Variants in CTNNA2 observed in about 807,000 individuals in gnomAD.
CTNNA2 encodes the protein catenin alpha 2.
In CTNNA2, 42 loss-of-function variants were observed where a neutral mutation model predicts 101.0. The ratio of observed to expected loss-of-function variants is 0.42; its 90% CI spans 0.32 to 0.54. The LOEUF (loss-of-function observed/expected upper bound fraction) is 0.54. Among genes scored for constraint, CTNNA2 ranks in the 20% least tolerant of loss-of-function variants. The probability of loss-of-function intolerance (pLI) is 0.14; values close to 1 mark genes in which losing one functional copy is unlikely to be tolerated. For synonymous variants in CTNNA2, 450 were observed against 456.4 expected (o/e 0.99, Z 0.18); for missense variants, 871 against 1,223.1 (o/e 0.71, Z 4.29).
intron 7 of CTNNA2, among the ~76,000 whole-genome samples, chr2:79,954,045 C>T (rs1689057084): frequency 6.6e-6 from 1 of 152,140 alleles, no homozygotes; most frequent in South Asian, 2.1e-4. Flanking sequence ...TTCTGCATGG[C>T]TGAAGAGGCC....
chr2:80,364,088 G>A (rs1464238425), intron 7 of CTNNA2, among the ~76,000 whole-genome samples: 4 of 151,996 alleles, frequency 2.6e-5, no homozygotes, highest in African/African-American at 9.7e-5. Flanking sequence ...GTTTGTGTGG[G>A]GAGGACTGAG....
chr2:80,335,410 C>G lies in CTNNA2; in HGVS notation c.1057-57801C>G, dbSNP rs148628505. Among the ~76,000 whole-genome samples the G allele has an allele frequency of 7.1e-3, 1,083 of 152,280 alleles. 15 individuals carry two copies. The highest frequency in any genetic ancestry group is 0.025 in the African/African-American group (1,029 of 41,556). On this transcript the variant is annotated intron_variant, in intron 7 of 18. Transcript: ENST00000402739. Reference sequence around the variant, plus strand: ...GTGAGGAGGAAGGCCTACCTTCAGACTGGCCCCAAATGCCTTATCCTGTAG... The same window carrying G: ...GTGAGGAGGAAGGCCTACCTTCAGAGTGGCCCCAAATGCCTTATCCTGTAG...
rs551375938 is a variant in CTNNA2, at chr2:79,506,317, T to TTA, written c.-6+1135_-6+1136insTA. 1.4e-3 allele frequency among the ~76,000 whole-genome samples: 192 copies of TTA among 141,670 alleles called. 8 individuals are homozygous for TTA. The East Asian group carries it at 0.031, about 23-fold the overall frequency. The allele number at this position is 141,670 out of a possible 152,430, so 92.9% of individuals were successfully genotyped here. On this transcript the variant is annotated intron_variant, in intron 5 of 21. Coordinates refer to the CTNNA2 transcript ENST00000466387. ...GTATATTGGTGCATGTGTTACAAGT[T>TTA]AAAAAAAAAAAAAGGAATTTCTTCA...
chr2:80,610,264 C>T (rs964488434), intron 17 of CTNNA2, among the ~76,000 whole-genome samples: 1 of 151,506 alleles, frequency 6.6e-6, no homozygotes, highest in East Asian at 2.0e-4. Flanking sequence ...TCTTCATGCT[C>T]CTTCACTGAT....
intron 7 of CTNNA2, among the ~76,000 whole-genome samples, chr2:80,372,330 G>A (rs1675517176): frequency 6.6e-6 from 1 of 150,934 alleles, no homozygotes; most frequent in African/African-American, 2.4e-5. Flanking sequence ...ATTTATTTAG[G>A]GCCACAAATC....
chr2:80,368,633 C>G (rs1023629036), intron 7 of CTNNA2, among the ~76,000 whole-genome samples: 15 of 151,932 alleles, frequency 9.9e-5, no homozygotes, highest in Non-Finnish European at 1.6e-4. Context: ...ATTCTTAAGG[C>G]ACTTACATGA....
intron 6 of CTNNA2, among the ~76,000 whole-genome samples, chr2:79,875,731 G>GT (rs10681981): frequency 7.3e-5 from 11 of 151,624 alleles, no homozygotes; most frequent in Non-Finnish European, 1.0e-4. Flanking sequence ...ATTTCCTAAG[G>GT]TTTTTTTTGT....
At chr2:80,389,692 T>C (rs1677328232) in intron 7 of CTNNA2, among the ~76,000 whole-genome samples, 1 of 152,158 alleles carries the variant, frequency 6.6e-6, no homozygotes, top group Non-Finnish European at 1.5e-5. Context: ...CCTGCACAAA[T>C]ACCTTATTTT....
chr2:79,579,207 C>T (rs1675991289), intron 1 of CTNNA2, among the ~76,000 whole-genome samples: 1 of 145,360 alleles, frequency 6.9e-6, no homozygotes. Flanking sequence ...TTCCTTCCTC[C>T]TTCCCTCCCT....
chr2:80,001,920 T>C (rs961688172), intron 7 of CTNNA2, among the ~76,000 whole-genome samples: 3 of 152,226 alleles, frequency 2.0e-5, no homozygotes, highest in African/African-American at 7.2e-5. Flanking sequence ...ATTTTTTGCA[T>C]ACCAGAGTTC....
intron 9 of CTNNA2, among the ~76,000 whole-genome samples, chr2:80,538,792 T>A (rs1002704499): frequency 6.6e-6 from 1 of 152,198 alleles, no homozygotes; most frequent in Non-Finnish European, 1.5e-5. Context: ...GGGAATAGCA[T>A]TGAATCTATA....
At chr2:79,503,826 C>T (rs527803803) in intron 4 of CTNNA2, among the ~76,000 whole-genome samples, 5 of 152,214 alleles carry the variant, frequency 3.3e-5, no homozygotes, top group African/African-American at 1.2e-4. Flanking sequence ...GATCCACTAC[C>T]CGGCCATTTT....
At chr2:80,218,804 A>T (rs192042140) in intron 7 of CTNNA2, among the ~76,000 whole-genome samples, 72 of 152,324 alleles carry the variant, frequency 4.7e-4, no homozygotes, top group Non-Finnish European at 7.2e-4. Flanking sequence ...ACAAAGTGAA[A>T]ATATATTTAA....
intron 2 of CTNNA2, among the ~76,000 whole-genome samples, chr2:79,702,307 T>C (rs762544384): frequency 4.1e-5 from 6 of 146,076 alleles, no homozygotes; most frequent in Non-Finnish European, 8.8e-5. Flanking sequence ...CAAATTTCAG[T>C]GTTCATAAAG....
chr2:79,634,963 T>C (rs1679921911), intron 1 of CTNNA2, among the ~76,000 whole-genome samples: 1 of 152,100 alleles, frequency 6.6e-6, no homozygotes, highest in Non-Finnish European at 1.5e-5. Context: ...TCAGAGGCTA[T>C]TCGATGGGAC....
intron 7 of CTNNA2, among the ~76,000 whole-genome samples, chr2:79,946,087 G>A (rs2974139): frequency 0.82 from 125,043 of 152,108 alleles, 52,731 homozygotes; most frequent in Non-Finnish European, 0.92. Context: ...GAAATTAAAA[G>A]ATAATACCTC....
intron 2 of CTNNA2, among the ~76,000 whole-genome samples, chr2:79,715,857 A>C (rs909323433): frequency 3.9e-5 from 6 of 152,152 alleles, no homozygotes; most frequent in African/African-American, 1.4e-4. Flanking sequence ...TATCAAGCAT[A>C]AGTAGAAGAT....
Position 80,222,296 on chromosome 2 carries a change from A to G in CTNNA2, c.1057-170915A>G, listed in dbSNP as rs1001925670. Reference sequence around the variant, plus strand: ...GCAAGTCTTACTTCCACAATAAATTATTCTCATACTCTACCTGATTTCAAA... The same window carrying G: ...GCAAGTCTTACTTCCACAATAAATTGTTCTCATACTCTACCTGATTTCAAA... On this transcript the variant is annotated intron_variant, in intron 7 of 18. Transcript: ENST00000402739. 1.8e-4 allele frequency among the ~76,000 whole-genome samples: 27 copies of G among 151,820 alleles called. 1 individual carries two copies.
At chr2:79,483,814 A>G (rs1368827245) in intron 4 of CTNNA2, among the ~76,000 whole-genome samples, 2 of 152,186 alleles carry the variant, frequency 1.3e-5, no homozygotes. Context: ...CTGTTGACTG[A>G]TGAGCATTTG....
Sources: allele counts gnomAD v4.1 joint callset (sites outside exome capture counted in the v4.1 genomes callset), GRCh38; gene constraint gnomAD v4.1.1; transcripts MANE v1.5; gene names NCBI Gene and HGNC (gene_info 2026-07-23, HGNC 2026-07-21).